ADAR: variants seen among roughly 807,000 people sequenced by gnomAD.
ADAR encodes the protein double-stranded RNA-specific adenosine deaminase.
ADAR carries 41 observed loss-of-function variants against 113.2 expected under a neutral mutation model. The ratio of observed to expected loss-of-function variants is 0.36; its 90% CI spans 0.28 to 0.47. ADAR has a LOEUF of 0.47. Among genes scored for constraint, ADAR ranks in the 20% least tolerant of loss-of-function variants. The pLI is 1.00. For synonymous variants in ADAR, 605 were observed against 572.6 expected, an observed-to-expected ratio of 1.06 and a Z score of -0.81; for missense variants, 1,242 against 1,540.9, an observed-to-expected ratio of 0.81 and a Z score of 3.25.
chr1:154,615,261 T>C (rs893235349), intron 1 of ADAR, among the ~76,000 whole-genome samples: 3 of 152,180 alleles, frequency 2.0e-5, no homozygotes, highest in Non-Finnish European at 4.4e-5. Context: ...TACTACAGCA[T>C]CTTTGCTGGA....
chr1:154,585,372 A>C lies in ADAR; in HGVS notation c.3316-28T>G, dbSNP rs145162100. The stretch of plus-strand genomic sequence containing the variant: ...AGGAATCCCAGAAGCAACGGGAGAA[A>C]GATGGAAACCTTTCAGGAATAAGAT... On this transcript the variant is annotated intron_variant, in intron 13 of 14. Transcript: ENST00000368474. The C allele has an allele frequency of 2.0e-5, 33 of 1,613,860 alleles. 1 individual carries two copies. The South Asian group carries it at 3.6e-4, about 18-fold the overall frequency.
At chr1:154,590,134 T>TCGGCGGGGGGGGGGGGGGGGGGGGG in intron 7 of ADAR, 50 bp downstream of exon 7, 1 of 1,447,046 alleles carries the variant, frequency 6.9e-7, no homozygotes, top group Non-Finnish European at 9.6e-7. Context: ...ACTTAGGAGT[T>TCGGCGGGGGGGGGGGGGGGGGGGGG]AGGAGGACCC....
chr1:154,626,526 T>C (rs995868661), intron 1 of ADAR, among the ~76,000 whole-genome samples: 3 of 152,204 alleles, frequency 2.0e-5, no homozygotes, highest in Non-Finnish European at 2.9e-5. Flanking sequence ...CTGCATATCA[T>C]ATCTGGCAGA....
At chr1:154,615,221 ATTTT>A (rs894073890) in intron 1 of ADAR, among the ~76,000 whole-genome samples, 2 of 152,230 alleles carry the variant, frequency 1.3e-5, no homozygotes, top group East Asian at 3.9e-4. Flanking sequence ...GTTTGTGGTT[ATTTT>A]TTTACAGCAG....
intron 7 of ADAR, 92 bp from the exon 8 acceptor site, chr1:154,590,020 T>C: frequency 6.4e-7 from 1 of 1,550,796 alleles, no homozygotes; most frequent in East Asian, 2.3e-5. Context: ...CTACTTGTCG[T>C]GTGAGTCATC....
At chr1:154,605,288 C>T (rs139314206) in intron 1 of ADAR, among the ~76,000 whole-genome samples, 9 of 152,308 alleles carry the variant, frequency 5.9e-5, no homozygotes, top group Admixed American at 3.3e-4. Flanking sequence ...ACAACTCTGA[C>T]CCTTTCCTTA....
At chr1:154,604,566 TAACA>T (rs1453473418) in intron 1 of ADAR, among the ~76,000 whole-genome samples, 2 of 152,230 alleles carry the variant, frequency 1.3e-5, no homozygotes, top group Admixed American at 6.5e-5. Flanking sequence ...CAATTGTGTT[TAACA>T]AACATGCCTT....
At chr1:154,611,647 T>G (rs1309754493), upstream of ADAR, among the ~76,000 whole-genome samples, 6 of 152,238 alleles carry the variant, frequency 3.9e-5, no homozygotes, top group Non-Finnish European at 1.5e-5. Flanking sequence ...TGTGCGTAAC[T>G]TCCCCGTGCG....
chr1:154,621,903 T>C (rs1398585306), intron 1 of ADAR, among the ~76,000 whole-genome samples: 1 of 152,204 alleles, frequency 6.6e-6, no homozygotes, highest in Non-Finnish European at 1.5e-5. Flanking sequence ...TTCAAGTCTC[T>C]ATTTGTAGGA....
chr1:154,597,528 C>G lies in ADAR; in HGVS notation c.1935-261G>C, dbSNP rs186653551. On this transcript the variant is annotated intron_variant, in intron 4 of 14. Transcript: ENST00000368474. Reference sequence around the variant, plus strand: ...TTGAACATGTGAGTCTATAGACCCACAGGCAGAGAGCTTCTCAGGTCCTGT... The same window carrying G: ...TTGAACATGTGAGTCTATAGACCCAGAGGCAGAGAGCTTCTCAGGTCCTGT... Among the ~76,000 whole-genome samples, 500 of 152,284 alleles carry G rather than the reference C, an allele frequency of 3.3e-3. 1 individual carries two copies. Among genetic ancestry groups the G allele is most frequent in the African/African-American group, 0.011 (463 of 41,556 alleles).
chr1:154,606,209 T>G (rs1478411018), intron 1 of ADAR, among the ~76,000 whole-genome samples: 1 of 152,160 alleles, frequency 6.6e-6, no homozygotes, highest in Non-Finnish European at 1.5e-5. Context: ...ACCCAGCTAA[T>G]TTTTGTATTT....
At position 154,607,937 on chromosome 1, in the gene ADAR, T is replaced by G. The variant is rs1698308115; in HGVS notation, c.15+55A>C. ...GCTACGCACTGCAACACAAAGCCTG[T>G]GAGGTTGTAAACGAACCCAGACGGC... On this transcript the variant is annotated intron_variant, in intron 1 of 14. Coordinates refer to ENST00000368474, the MANE Select transcript of ADAR (RefSeq NM_001111.5). 6.2e-6 allele frequency: 10 copies of G among 1,609,550 alleles called. No homozygotes were observed. The South Asian group carries it at 1.0e-4, about 16-fold the overall frequency.
intron 6 of ADAR, among the ~76,000 whole-genome samples, chr1:154,591,197 AT>A (rs1276255058): frequency 1.3e-5 from 2 of 152,222 alleles, no homozygotes; most frequent in African/African-American, 4.8e-5. Context: ...ATAAAGGAAG[AT>A]TATGAAGTAT....
Position 154,598,509 on chromosome 1 carries a change from C to T in ADAR, c.1678G>A (p.Asp560Asn). 6.2e-7 allele frequency: 1 copy of T among 1,614,182 alleles called. No individual in the cohort carries two copies. Residue 560 changes from aspartate to asparagine, a missense_variant, in exon 3 of 15, where the codon GAT becomes AAT. Physicochemically the swap from Asp to Asn is conservative, Grantham distance 23 (BLOSUM62 1). Coordinates refer to ENST00000368474, the MANE Select transcript of ADAR (RefSeq NM_001111.5). ...EAGSKKVAKQDAAMKAMTILL... is the reference protein window; with the variant it reads ...EAGSKKVAKQNAAMKAMTILL... ...ATTGTCATGGCTTTCATAGCTGCAT[C>T]CTGCTTGGCCACTTTCTTGCTTCCA...
chr1:154,614,229 T>C (rs1698572282), intron 1 of ADAR, among the ~76,000 whole-genome samples: 1 of 152,134 alleles, frequency 6.6e-6, no homozygotes, highest in Non-Finnish European at 1.5e-5. Context: ...CAACTTGTGG[T>C]TTTATACATT....
chr1:154,588,316 G>A, intron 10 of ADAR, 58 bp from the exon 11 acceptor site: 11 of 1,612,522 alleles, frequency 6.8e-6, no homozygotes, highest in Non-Finnish European at 9.3e-6. Context: ...ATTTCGTGGG[G>A]CTCCAAAACA....
upstream of ADAR, chr1:154,608,323 A>C (rs923161980): frequency 6.6e-5 from 28 of 426,994 alleles, no homozygotes; most frequent in Admixed American, 7.0e-4. Context: ...AGAACTACGG[A>C]AGGTACTTTT....
Position 154,585,048 on chromosome 1 carries a change from A to G in ADAR, c.3444-5T>C. 1 of 1,613,688 alleles carries G rather than the reference A, an allele frequency of 6.2e-7. No individual in the cohort carries two copies. The highest frequency in any genetic ancestry group is 8.5e-7 in the Non-Finnish European group (1 of 1,179,884). Reference sequence around the variant, plus strand: ...CGGGACAATTCATTCCGTGGCCTAGAGAAACAAAAGCACTCATTATTCACC... The same window carrying G: ...CGGGACAATTCATTCCGTGGCCTAGGGAAACAAAAGCACTCATTATTCACC... On this transcript the variant is annotated splice_region_variant and splice_polypyrimidine_tract_variant and intron_variant, in intron 14 of 14. Transcript: ENST00000368474.
At chr1:154,610,824 G>GAAAAAAAAAAAAAAAAA (rs1298389364), upstream of ADAR, among the ~76,000 whole-genome samples, 1 of 65,204 alleles carries the variant, frequency 1.5e-5, no homozygotes, top group Non-Finnish European at 2.7e-5. Context: ...AAAAAAAAAA[G>GAAAAAAAAAAAAAAAAA]AAAAAAAAAA....
Sources: gnomAD v4.1 joint callset for allele counts (sites outside exome capture counted in the v4.1 genomes callset) on GRCh38, gnomAD v4.1.1 for gene constraint, MANE v1.5 for transcripts, NCBI Gene and HGNC (gene_info 2026-07-23, HGNC 2026-07-21) for gene names.